BICD1: variants seen among roughly 807,000 people sequenced by gnomAD.
BICD1 encodes protein bicaudal D homolog 1.
BICD1 carries 35 observed loss-of-function variants against 92.5 expected under a neutral mutation model. That is an observed-to-expected ratio of 0.38 (90% CI 0.29 to 0.50). The LOEUF is 0.50. Among genes scored for constraint, BICD1 ranks in the 20% least tolerant of loss-of-function variants. The pLI is 0.93. For missense variants in BICD1, 950 were observed against 1,189.8 expected, an observed-to-expected ratio of 0.80 and a Z score of 2.97; for synonymous variants, 429 against 465.1, an observed-to-expected ratio of 0.92 and a Z score of 1.00.
intron 1 of BICD1, among the ~76,000 whole-genome samples, chr12:32,194,645 G>A (rs1369158049): frequency 6.6e-6 from 1 of 152,176 alleles, no homozygotes. Flanking sequence ...ATTTTGGGAG[G>A]CCGAGGGGGG....
intron 4 of BICD1, among the ~76,000 whole-genome samples, chr12:32,319,739 G>C (rs1948598437): frequency 6.6e-6 from 1 of 151,932 alleles, no homozygotes; most frequent in South Asian, 2.1e-4. Context: ...TACCACATCA[G>C]GCTAATTTTT....
intron 2 of BICD1, among the ~76,000 whole-genome samples, chr12:32,256,384 C>A (rs1946720679): frequency 6.6e-6 from 1 of 152,114 alleles, no homozygotes. Flanking sequence ...ACCCTCACAG[C>A]CATCCTCTGA....
chr12:32,233,884 C>A (rs780452451), intron 2 of BICD1, among the ~76,000 whole-genome samples: 58 of 152,142 alleles, frequency 3.8e-4, no homozygotes, highest in Non-Finnish European at 7.5e-4. Flanking sequence ...TCTGTTCAGG[C>A]ATTTAATTCT....
rs1449476021 is a variant in BICD1 at position 32,380,960 on chromosome 12, T to A, written c.*3333T>A. 6.6e-6 allele frequency: 1 copy of A among 152,082 alleles called. No homozygotes were observed. Among genetic ancestry groups the A allele is most frequent in the East Asian group, 1.9e-4 (1 of 5,198 alleles). The allele number at this position is 152,082 out of a possible 1,614,324, so 9.4% of individuals were successfully genotyped here. On this transcript the variant is annotated 3_prime_UTR_variant, in exon 10 of 10. Coordinates refer to ENST00000652176, the MANE Select transcript of BICD1 (RefSeq NM_001714.4). ...TAACACTGGGAAATTAACGTGGAAATTGATAATCATAAAGAATATTTGTTT... is the reference window on the plus strand; with the variant it reads ...TAACACTGGGAAATTAACGTGGAAAATGATAATCATAAAGAATATTTGTTT...
At chr12:32,160,951 C>T (rs559683346) in intron 1 of BICD1, among the ~76,000 whole-genome samples, 22 of 152,280 alleles carry the variant, frequency 1.4e-4, no homozygotes, top group African/African-American at 5.3e-4. Context: ...TATCTAACTT[C>T]ATTAAAAACA....
chr12:32,317,595 T>A (rs1948538808), intron 4 of BICD1, among the ~76,000 whole-genome samples: 1 of 152,224 alleles, frequency 6.6e-6, no homozygotes, highest in Admixed American at 6.5e-5. Flanking sequence ...TCATTGTAGA[T>A]CCTGGATATT....
chr12:32,342,393 T>G (rs1448604274), intron 8 of BICD1, among the ~76,000 whole-genome samples: 1 of 151,408 alleles, frequency 6.6e-6, no homozygotes, highest in African/African-American at 2.4e-5. Context: ...TAGCTGGGAC[T>G]ACAGGCGCCC....
In BICD1 at chr12:32,215,539, A is replaced by G. The variant is rs193240246; in HGVS notation, c.214-708A>G. ...ATGCCAATGTATTAGAAAGCACACT[A>G]AATGATTGTTTTCTTTTTTGTAAAA... On this transcript the variant is annotated intron_variant, in intron 1 of 9. Coordinates refer to ENST00000652176, the MANE Select transcript of BICD1 (RefSeq NM_001714.4). Among the ~76,000 whole-genome samples the G allele has an allele frequency of 3.2e-3, 485 of 152,308 alleles. 2 individuals carry two copies. Among genetic ancestry groups the G allele is most frequent in the Non-Finnish European group, 6.0e-3 (407 of 68,036 alleles).
chr12:32,194,158 T>C (rs1221194317), intron 1 of BICD1, among the ~76,000 whole-genome samples: 1 of 152,238 alleles, frequency 6.6e-6, no homozygotes, highest in Admixed American at 6.5e-5. Flanking sequence ...CATCCTTTCA[T>C]GATTAAAAAC....
At chr12:32,168,976 A>G (rs950459837) in intron 1 of BICD1, among the ~76,000 whole-genome samples, 16 of 152,194 alleles carry the variant, frequency 1.1e-4, no homozygotes, top group Non-Finnish European at 2.1e-4. Flanking sequence ...CAAACAAACA[A>G]ACAAACCCAA....
chr12:32,319,479 T>G (rs1948590940), intron 4 of BICD1, among the ~76,000 whole-genome samples: 1 of 152,206 alleles, frequency 6.6e-6, no homozygotes. Flanking sequence ...TAGTATTTTG[T>G]TGAGGATTTT....
At position 32,334,569 on chromosome 12, in the gene BICD1, A is replaced by C. The variant is rs756677529; in HGVS notation, c.2154A>C (p.Ala718=). The C allele has an allele frequency of 6.2e-7, 1 of 1,613,204 alleles. No homozygotes were observed. The highest frequency in any genetic ancestry group is 2.2e-5 in the East Asian group (1 of 44,804). ...AGAACAAATATGAAAATGAAAAAGC[A>C]ATGGTGACTGAAACCATGACGAAGC... ...NLKNKYENEK[A]MVTETMTKLR... Residue 718 remains alanine, a synonymous_variant, in exon 6 of 10, where the codon GCA becomes GCC. Transcript: ENST00000652176.
intron 4 of BICD1, 87 bp from the exon 5 acceptor site, chr12:32,327,374 A>G: frequency 1.4e-6 from 2 of 1,446,396 alleles, no homozygotes; most frequent in Admixed American, 2.4e-5. Flanking sequence ...AGTGATTTTA[A>G]GTGTATACAT....
intron 1 of BICD1, among the ~76,000 whole-genome samples, chr12:32,171,984 C>CATAT (rs774843967): frequency 9.9e-6 from 1 of 100,734 alleles, no homozygotes; most frequent in Non-Finnish European, 2.3e-5. Flanking sequence ...CACACACACA[C>CATAT]ACACACTAAA....
intron 1 of BICD1, among the ~76,000 whole-genome samples, chr12:32,203,492 C>T (rs1011023464): frequency 2.6e-5 from 4 of 152,110 alleles, no homozygotes; most frequent in African/African-American, 9.7e-5. Context: ...ACCCTATGGT[C>T]TAAGAAGAAT....
At chr12:32,376,951 A>G (rs1035559390) in intron 9 of BICD1, among the ~76,000 whole-genome samples, 1 of 151,944 alleles carries the variant, frequency 6.6e-6, no homozygotes, top group Non-Finnish European at 1.5e-5. Context: ...TCTTAGAGCA[A>G]ATTAGACTTC....
At chr12:32,243,562 A>G (rs1946295301) in intron 2 of BICD1, among the ~76,000 whole-genome samples, 1 of 152,082 alleles carries the variant, frequency 6.6e-6, no homozygotes, top group African/African-American at 2.4e-5. Context: ...TAATGTTTCT[A>G]CTACTTGTGT....
intron 2 of BICD1, among the ~76,000 whole-genome samples, chr12:32,246,029 CAAAAAAAAAA>C (rs71068311): frequency 2.9e-4 from 13 of 44,090 alleles, no homozygotes; most frequent in African/African-American, 1.2e-3. Context: ...TACTCTGTCT[CAAAAAAAAAA>C]AAAAAAAAAA....
At chr12:32,245,255 T>TG (rs1555155782) in intron 2 of BICD1, among the ~76,000 whole-genome samples, 2 of 151,016 alleles carry the variant, frequency 1.3e-5, no homozygotes, top group East Asian at 2.0e-4. Context: ...TTTTTGTTTT[T>TG]TTTTTTTTTG....
Sources: gnomAD v4.1 joint callset for allele counts (sites outside exome capture counted in the v4.1 genomes callset) on GRCh38, gnomAD v4.1.1 for gene constraint, MANE v1.5 for transcripts, NCBI Gene and HGNC (gene_info 2026-07-23, HGNC 2026-07-21) for gene names.